Variants in TNRC18 observed in about 807,000 individuals in gnomAD.
The protein encoded by TNRC18 is trinucleotide repeat containing 18.
A neutral mutation model predicts 226.7 loss-of-function variants in TNRC18; 69 were observed. The ratio of observed to expected loss-of-function variants is 0.30; its 90% confidence interval spans 0.25 to 0.37. TNRC18 has a LOEUF of 0.37. Ranked by LOEUF, TNRC18 falls within the 10% of genes least tolerant of loss-of-function variation. TNRC18 has a pLI of 1.00. For synonymous variants in TNRC18, 2,449 were observed against 1,927.6 expected (o/e 1.27, Z -7.09); for missense variants, 4,754 against 4,256.6 (o/e 1.12, Z -3.25).
At chr7:5,402,712 G>A (rs1178346405) in intron 2 of TNRC18, among the ~76,000 whole-genome samples, 3 of 151,776 alleles carry the variant, frequency 2.0e-5, no homozygotes, top group Admixed American at 6.6e-5. Context: ...AAACTAGCCG[G>A]GCGTGGTGGT....
rs770130545 is a variant in TNRC18, at chr7:5,313,803, G to A, written c.7088C>T (p.Ala2363Val). Residue 2363 changes from alanine to valine, a missense_variant, in exon 27 of 30, where the codon GCC (alanine) becomes GTC (valine). Physicochemically the swap from Ala to Val is moderately conservative, Grantham distance 64 (BLOSUM62 0). Transcript: ENST00000430969. ...ACCTGGGGTGCTGCTCGGCTCCAGG[G>A]CTAAGGGGGTACTGGGGACCTCGTC... is the stretch of plus-strand genomic sequence containing the variant. ...PTDEVPSTPLALEPSSTPGSK... is the reference protein window; with the variant it reads ...PTDEVPSTPLVLEPSSTPGSK... 2.6e-6 allele frequency: 4 copies of A among 1,522,506 alleles called. No individual in the cohort carries two copies. The African/African-American group carries it at 5.6e-5, about 21-fold the overall frequency. 94.3% of individuals were successfully genotyped at this position (1,522,506 alleles called of 1,614,324 possible).
At chr7:5,355,420 G>A (rs1370085627) in intron 16 of TNRC18, among the ~76,000 whole-genome samples, 2 of 152,094 alleles carry the variant, frequency 1.3e-5, no homozygotes, top group Non-Finnish European at 2.9e-5. Flanking sequence ...TTGATCCCAG[G>A]AGTTTAAGAC....
Position 5,363,651 on chromosome 7 carries a change from C to G in TNRC18, c.4220-826G>C, listed in dbSNP as rs150932967. 3.9e-5 allele frequency among the ~76,000 whole-genome samples: 6 copies of G among 152,228 alleles called. No individual in the cohort carries two copies. In the East Asian group the frequency reaches 7.7e-4, roughly 20 times the overall value. On this transcript the variant is annotated intron_variant, in intron 11 of 29. Transcript: ENST00000430969. The stretch of plus-strand genomic sequence containing the variant: ...ACAGGAGAGAAGGCAGCACGCCTGG[C>G]ACAGGGTCCTGTGCTCTATTCACAG...
chr7:5,335,239 C>T (rs10230987), intron 18 of TNRC18, among the ~76,000 whole-genome samples: 104,457 of 145,022 alleles, frequency 0.72, 38,338 homozygotes, highest in East Asian at 0.82. Flanking sequence ...GAGGTGGAGG[C>T]TGCAGTGAGC....
intron 27 of TNRC18, among the ~76,000 whole-genome samples, chr7:5,310,933 CGT>C (rs201187881): frequency 7.9e-5 from 12 of 152,112 alleles, no homozygotes; most frequent in South Asian, 4.2e-4. Flanking sequence ...TGCACGTGTT[CGT>C]GTGTGCACGT....
chr7:5,335,875 A>G (rs1473306602), intron 18 of TNRC18, among the ~76,000 whole-genome samples: 1 of 147,330 alleles, frequency 6.8e-6, no homozygotes, highest in Non-Finnish European at 1.5e-5. Context: ...CTGACTCTCC[A>G]CAACCTCAGC....
chr7:5,413,260 C>G (rs911920052), intron 2 of TNRC18, among the ~76,000 whole-genome samples: 1 of 152,168 alleles, frequency 6.6e-6, no homozygotes, highest in African/African-American at 2.4e-5. Flanking sequence ...AAGAGCAGCC[C>G]CCGCCAGCCA....
At chr7:5,362,061 G>C (rs764029984) in intron 12 of TNRC18, 28 bp from the exon 13 acceptor site, 1 of 1,608,364 alleles carries the variant, frequency 6.2e-7, no homozygotes, top group South Asian at 1.1e-5. Flanking sequence ...AGAGGAGGAG[G>C]GGGTGAGGAT....
rs542540853 is a variant in TNRC18, at chr7:5,377,209, G to A, written c.2461+162C>T. On this transcript the variant is annotated intron_variant, in intron 7 of 29. Coordinates refer to ENST00000430969, the MANE Select transcript of TNRC18 (RefSeq NM_001080495.3). This position sits in a 1 kb window ranked among gnomAD's most constrained non-coding sequence, Gnocchi z 5.8. The stretch of plus-strand genomic sequence containing the variant: ...AACAGGCATGGCAGAGGGGCCCCAC[G>A]AGGCAGAGGCCATTATCATTCCTTC... Among the ~76,000 whole-genome samples the A allele has an allele frequency of 2.0e-5, 3 of 152,300 alleles. No homozygotes were observed. Among genetic ancestry groups the A allele is most frequent in the East Asian group, 3.9e-4 (2 of 5,178 alleles).
intron 2 of TNRC18, among the ~76,000 whole-genome samples, chr7:5,412,467 T>G (rs2128219671): frequency 6.6e-6 from 1 of 151,862 alleles, no homozygotes; most frequent in East Asian, 1.9e-4. Flanking sequence ...TCTCAGCTAC[T>G]TGGGAGGCTG....
chr7:5,389,361 G>C (rs201924470), intron 4 of TNRC18, 25 bp from the exon 5 acceptor site: 1 of 1,247,612 alleles, frequency 8.0e-7, no homozygotes, highest in Non-Finnish European at 1.0e-6. Context: ...ACAGCAGGCA[G>C]TGAGCGAGCG....
In TNRC18 at chr7:5,376,132, G is replaced by C; in HGVS notation, c.2701C>G (p.Leu901Val). 1 of 1,588,340 alleles carries C rather than the reference G, an allele frequency of 6.3e-7. No homozygotes were observed. The highest frequency in any genetic ancestry group is 1.8e-5 in the Admixed American group (1 of 56,120). ...SPLHHAQQLQ[L>V]FSQQHFLRQQ... ...CGCAGGAAGTGCTGCTGTGAGAAGA[G>C]CTGCAGCTGCTGGGCGTGGTGCAGG... The change falls in exon 9 of 30, where the codon CTC (leucine) becomes GTC (valine). Residue 901 changes from leucine (L) to valine (V), a missense_variant. Leu to Val is a conservative substitution (Grantham distance 32). Transcript: ENST00000430969.
At chr7:5,398,104 A>C (rs1780821996) in intron 2 of TNRC18, among the ~76,000 whole-genome samples, 1 of 151,960 alleles carries the variant, frequency 6.6e-6, no homozygotes, top group Non-Finnish European at 1.5e-5. Context: ...GAGCTCAATC[A>C]ATCCTCCAGC....
intron 2 of TNRC18, 166 bp downstream of exon 2, chr7:5,420,894 G>GC: frequency 1.1e-6 from 1 of 881,672 alleles, no homozygotes; most frequent in Middle Eastern, 2.1e-4. Flanking sequence ...CACCGCCTTG[G>GC]CTCCGGGACC....
At position 5,388,207 on chromosome 7, in the gene TNRC18, G is replaced by A. The variant is rs763087040; in HGVS notation, c.1617C>T (p.Ala539=). Residue 539 remains alanine, a synonymous_variant, in exon 5 of 30, where the codon GCC becomes GCT. Coordinates refer to ENST00000430969, the MANE Select transcript of TNRC18 (RefSeq NM_001080495.3). ...QHHHSRAEEE[A]AVVAASSSKK... ...TGGAGGAGGAGGCAGCGACCACGGCGGCCTCCTCTTCGGCGCGGCTGTGGT... is the reference window on the plus strand; with the variant it reads ...TGGAGGAGGAGGCAGCGACCACGGCAGCCTCCTCTTCGGCGCGGCTGTGGT... 2.4e-5 allele frequency: 39 copies of A among 1,597,468 alleles called. No homozygotes were observed. Among genetic ancestry groups the A allele is most frequent in the Middle Eastern group, 3.3e-4 (2 of 6,036 alleles).
intron 17 of TNRC18, among the ~76,000 whole-genome samples, chr7:5,350,474 G>A (rs1022316146): frequency 2.1e-4 from 32 of 152,160 alleles, no homozygotes; most frequent in Middle Eastern, 3.4e-3. Context: ...CGGGGTGCCC[G>A]AGCCAGGTCA....
intron 12 of TNRC18, among the ~76,000 whole-genome samples, 185 bp downstream of exon 12, chr7:5,362,465 G>A (rs1793153777): frequency 6.6e-6 from 1 of 152,076 alleles, no homozygotes; most frequent in Admixed American, 6.5e-5. Flanking sequence ...CAGGTAAACT[G>A]AGTCCCCGAG....
chr7:5,420,820 C>G, intron 2 of TNRC18: 1 of 698,588 alleles, frequency 1.4e-6, no homozygotes, highest in Non-Finnish European at 2.6e-6. Flanking sequence ...GCTACCACAC[C>G]GGCTTTCGGC....
At chr7:5,409,911 A>T (rs1781732396) in intron 2 of TNRC18, among the ~76,000 whole-genome samples, 1 of 150,558 alleles carries the variant, frequency 6.6e-6, no homozygotes, top group South Asian at 2.1e-4. Flanking sequence ...GAATGACATG[A>T]ACCCGGGAGG....
Sources: allele counts gnomAD v4.1 joint callset (sites outside exome capture counted in the v4.1 genomes callset), GRCh38; gene constraint gnomAD v4.1.1; non-coding constraint Gnocchi (gnomAD v3.1); transcripts MANE v1.5; gene names NCBI Gene and HGNC (gene_info 2026-07-23, HGNC 2026-07-21).